Variants in SMARCA5 observed in about 807,000 individuals in gnomAD.
The protein encoded by SMARCA5 is SWI/SNF-related matrix-associated actin-dependent regulator of chromatin subfamily A member 5.
A neutral mutation model predicts 140.4 loss-of-function variants in SMARCA5; 18 were observed. The ratio of observed to expected loss-of-function variants is 0.13; its 90% confidence interval spans 0.09 to 0.19. The LOEUF is 0.19. Among genes scored for constraint, SMARCA5 ranks in the 10% least tolerant of loss-of-function variants. SMARCA5 has a pLI of 1.00. For missense variants in SMARCA5, 606 were observed against 1,276.8 expected (o/e 0.47, Z 8.01); for synonymous variants, 449 against 419.6 (o/e 1.07, Z -0.86).
chr4:143,513,867 C>T lies in SMARCA5; in HGVS notation c.-58C>T, dbSNP rs950948940. 10 of 1,514,956 alleles carry T rather than the reference C, an allele frequency of 6.6e-6. No individual in the cohort carries two copies. In the Admixed American group the frequency reaches 8.0e-5, roughly 12 times the overall value. 93.8% of individuals were successfully genotyped at this position (1,514,956 alleles called of 1,614,324 possible). A position where few individuals can be genotyped will look rare whatever the true frequency, so the allele number is the denominator to read the frequency against. On this transcript the variant is annotated 5_prime_UTR_variant, in exon 1 of 24. Coordinates refer to ENST00000283131, the MANE Select transcript of SMARCA5 (RefSeq NM_003601.4). ...CGTAGCATCCAGGCCTAGGCCTCCC[C>T]GTCCATCCCCGCCGGACTCGGGCCT...
At chr4:143,520,012 C>G (rs1379714932) in intron 2 of SMARCA5, among the ~76,000 whole-genome samples, 1 of 152,112 alleles carries the variant, frequency 6.6e-6, no homozygotes, top group South Asian at 2.1e-4. Flanking sequence ...TAGTCCAAAG[C>G]TATTCACTTT....
At chr4:143,542,863 C>G (rs1442728384) in intron 14 of SMARCA5, among the ~76,000 whole-genome samples, 1 of 152,100 alleles carries the variant, frequency 6.6e-6, no homozygotes, top group African/African-American at 2.4e-5. Context: ...GCCTTTAGTC[C>G]TAGCTACTTG....
chr4:143,544,664 A>C, intron 16 of SMARCA5, 73 bp from the exon 17 acceptor site: 1 of 850,076 alleles, frequency 1.2e-6, no homozygotes, highest in South Asian at 1.5e-5. Flanking sequence ...ACATTTACAA[A>C]CATCCTTCTT....
rs767591548 is a variant in SMARCA5 at position 143,514,025 on chromosome 4, A to G, written c.101A>G (p.Lys34Arg). 11 of 1,551,750 alleles carry G rather than the reference A, an allele frequency of 7.1e-6. No homozygotes were observed. Among genetic ancestry groups the G allele is most frequent in the Non-Finnish European group, 9.5e-6 (11 of 1,156,458 alleles). Residue 34 changes from lysine to arginine, a missense_variant, in exon 1 of 24, where the codon AAA becomes AGA. By Grantham distance (26) the Lys-to-Arg change is conservative (BLOSUM62 2). This residue lies in a region of SMARCA5 where 164 missense variants were observed against 128.4 expected (regional missense o/e 1.28). Transcript: ENST00000283131. ...IASGGSNSSN[K>R]GGPEGVAAQA... Reference sequence around the variant, plus strand: ...AGCGGCGGGAGCAACAGCAGCAACAAAGGCGGCCCCGAAGGCGTCGCGGCG... The same window carrying G: ...AGCGGCGGGAGCAACAGCAGCAACAGAGGCGGCCCCGAAGGCGTCGCGGCG...
At chr4:143,544,124 T>G (rs1309879371) in intron 16 of SMARCA5, 152 bp downstream of exon 16, 1 of 459,976 alleles carries the variant, frequency 2.2e-6, no homozygotes, top group Non-Finnish European at 3.7e-6. Context: ...ATGTAAAATT[T>G]AATGCCAGTT....
At chr4:143,539,189 G>T (rs1489432863) in intron 13 of SMARCA5, among the ~76,000 whole-genome samples, 10 of 152,180 alleles carry the variant, frequency 6.6e-5, no homozygotes, top group African/African-American at 2.4e-4. Flanking sequence ...AAACGATAGA[G>T]TTGGGGATTT....
rs182938077 is a variant in SMARCA5, at chr4:143,530,581, G to A, written c.1158+55G>A. ...ATTTATGATGGGAAAAAGGATAAAG[G>A]TTTAAATTAGTAGATTATTTTCCTG... On this transcript the variant is annotated intron_variant, in intron 9 of 23. Coordinates refer to ENST00000283131, the MANE Select transcript of SMARCA5 (RefSeq NM_003601.4). 1.2e-3 allele frequency: 1,408 copies of A among 1,149,218 alleles called. 17 individuals carry two copies. The African/African-American group carries it at 0.02, about 16-fold the overall frequency. 71.2% of individuals were successfully genotyped at this position (1,149,218 alleles called of 1,614,324 possible).
intron 8 of SMARCA5, among the ~76,000 whole-genome samples, 193 bp from the exon 9 acceptor site, chr4:143,530,265 T>G (rs1737158761): frequency 6.6e-6 from 1 of 152,218 alleles, no homozygotes; most frequent in South Asian, 2.1e-4. Flanking sequence ...GTTTAGAAGG[T>G]AGTGTGATTT....
chr4:143,535,171 T>C (rs1019325455), intron 10 of SMARCA5, among the ~76,000 whole-genome samples: 2 of 152,188 alleles, frequency 1.3e-5, no homozygotes, highest in Non-Finnish European at 2.9e-5. Context: ...AGAATCAGGA[T>C]GGAAGGCTTA....
Position 143,547,373 on chromosome 4 carries a change from C to T in SMARCA5, c.2654-12C>T, listed in dbSNP as rs1439696699. The T allele has an allele frequency of 4.3e-6, 6 of 1,386,724 alleles. No individual in the cohort carries two copies. The highest frequency in any genetic ancestry group is 1.2e-5 in the South Asian group (1 of 80,018). The allele number at this position is 1,386,724 out of a possible 1,614,324, so 85.9% of individuals were successfully genotyped here. ...ATATAAATGATTTGTTTACTTTGTC[C>T]AACTTTTACAGCTGTGTTTTGGGAA... On this transcript the variant is annotated splice_polypyrimidine_tract_variant and intron_variant, in intron 20 of 23. Coordinates refer to ENST00000283131, the MANE Select transcript of SMARCA5 (RefSeq NM_003601.4).
At chr4:143,549,669 A>T (rs1488726360) in intron 22 of SMARCA5, among the ~76,000 whole-genome samples, 1 of 152,120 alleles carries the variant, frequency 6.6e-6, no homozygotes, top group African/African-American at 2.4e-5. Flanking sequence ...TTTTGGATAT[A>T]AGTAGCACAG....
chr4:143,520,552 A>G (rs942568045), intron 2 of SMARCA5, among the ~76,000 whole-genome samples: 3 of 152,222 alleles, frequency 2.0e-5, no homozygotes, highest in African/African-American at 7.2e-5. Flanking sequence ...AGTTGTTACA[A>G]CATTATGGCA....
intron 1 of SMARCA5, 61 bp downstream of exon 1, chr4:143,514,162 C>A: frequency 7.0e-7 from 1 of 1,421,200 alleles, no homozygotes; most frequent in Non-Finnish European, 9.3e-7. Context: ...GGCTCCCTCG[C>A]CGGATCGTGG....
rs1045350317 is a variant in SMARCA5 at position 143,556,935 on chromosome 4, A to C, written c.*3751A>C. On this transcript the variant is annotated 3_prime_UTR_variant, in exon 24 of 24. Transcript: ENST00000283131. ...ACTGAAATGATATGATTCTAAATGA[A>C]AAAAATGAAGAAGTGGAATAGTTTC... 8.5e-5 allele frequency: 13 copies of C among 152,256 alleles called. No individual in the cohort carries two copies. Among genetic ancestry groups the C allele is most frequent in the African/African-American group, 3.1e-4 (13 of 41,470 alleles). 9.4% of individuals were successfully genotyped at this position (152,256 alleles called of 1,614,324 possible).
At position 143,517,271 on chromosome 4, in the gene SMARCA5, A is replaced by G. The variant is rs577097839; in HGVS notation, c.178-84A>G. 7 of 869,242 alleles carry G rather than the reference A, an allele frequency of 8.1e-6. No individual in the cohort carries two copies. In the African/African-American group the frequency reaches 1.0e-4, roughly 13 times the overall value. The allele number at this position is 869,242 out of a possible 1,614,324, so 53.8% of individuals were successfully genotyped here. ...TTGGGGTGAGAATGTATTATTTAAG[A>G]TGTGTTTTGGTCAGAAATTGGTCTA... On this transcript the variant is annotated intron_variant, in intron 1 of 23. Coordinates refer to ENST00000283131, the MANE Select transcript of SMARCA5 (RefSeq NM_003601.4).
intron 9 of SMARCA5, among the ~76,000 whole-genome samples, chr4:143,531,510 G>C (rs1366351379): frequency 3.3e-4 from 50 of 152,200 alleles, no homozygotes; most frequent in Admixed American, 3.3e-3. Context: ...GGGGTAAGGA[G>C]AGAGGGGAGA....
chr4:143,519,183 C>T (rs1578790428), intron 2 of SMARCA5, among the ~76,000 whole-genome samples: 1 of 152,052 alleles, frequency 6.6e-6, no homozygotes, highest in Non-Finnish European at 1.5e-5. Flanking sequence ...CTATTCATAC[C>T]TCTTACTTGA....
chr4:143,543,378 A>G, intron 14 of SMARCA5, 131 bp from the exon 15 acceptor site: 1 of 771,808 alleles, frequency 1.3e-6, no homozygotes, highest in Non-Finnish European at 2.0e-6. Context: ...TTAGATGTGA[A>G]TAAACAGTAA....
chr4:143,529,849 G>T (rs1038044189), intron 8 of SMARCA5, among the ~76,000 whole-genome samples: 1 of 151,982 alleles, frequency 6.6e-6, no homozygotes, highest in African/African-American at 2.4e-5. Flanking sequence ...TATGTATTTT[G>T]ATGTTTTTGA....
Sources: gnomAD v4.1 joint callset for allele counts (sites outside exome capture counted in the v4.1 genomes callset) on GRCh38, gnomAD v4.1.1 for gene constraint, gnomAD v4.1.1 regional missense constraint, MANE v1.5 for transcripts, NCBI Gene and HGNC (gene_info 2026-07-23, HGNC 2026-07-21) for gene names.